The following FAAH variants were observed in gnomAD, a reference collection of about 807,000 sequenced individuals.
FAAH encodes the protein fatty-acid amide hydrolase 1.
In FAAH, 63 loss-of-function variants were observed where a neutral mutation model predicts 69.7. The observed-to-expected ratio is 0.90, with a 90% CI of 0.74 to 1.12. The LOEUF (loss-of-function observed/expected upper bound fraction) is 1.12, where lower values mean the gene tolerates loss of function less well. Ranked by LOEUF, FAAH falls within the 50% of genes most tolerant of loss-of-function variation. The pLI, the probability that FAAH is intolerant of heterozygous loss-of-function variation, is 0.00. For synonymous variants in FAAH, 305 were observed against 324.2 expected, an observed-to-expected ratio of 0.94 and a Z score of 0.64; for missense variants, 680 against 755.0, an observed-to-expected ratio of 0.90 and a Z score of 1.16.
chr1:46,397,836 T>G (rs1386180735), intron 1 of FAAH, among the ~76,000 whole-genome samples: 1 of 151,416 alleles, frequency 6.6e-6, no homozygotes, highest in African/African-American at 2.4e-5. Context: ...GTGCTGGGAT[T>G]ATAGGCATGA....
At chr1:46,407,629 T>G (rs971562331) in intron 7 of FAAH, among the ~76,000 whole-genome samples, 1 of 152,042 alleles carries the variant, frequency 6.6e-6, no homozygotes, top group African/African-American at 2.4e-5. Flanking sequence ...GCGTTGGGGT[T>G]GAAGGCCAGA....
chr1:46,413,274 GCT>G, intron 14 of FAAH, 54 bp downstream of exon 14: 1 of 1,613,152 alleles, frequency 6.2e-7, no homozygotes, highest in Non-Finnish European at 8.5e-7. Flanking sequence ...GACTCTGGCC[GCT>G]GTGGAGGAAA....
rs766872905 is a variant in FAAH at position 46,413,458 on chromosome 1, G to A, written c.1623G>A (p.Lys541=). Residue 541 remains lysine (K), a synonymous_variant, in exon 15 of 15, where the codon AAG becomes AAA. Coordinates refer to ENST00000243167, the MANE Select transcript of FAAH (RefSeq NM_001441.3). ...WDKMLQKGMK[K]SVGLPVAVQC... is the part of the protein sequence containing the mutation. ...TGTATCCCCTATAGGGCATGAAGAA[G>A]AGTGTGGGGCTGCCGGTGGCCGTGC... 2 of 1,614,148 alleles carry A rather than the reference G, an allele frequency of 1.2e-6. No individual in the cohort carries two copies. The highest frequency in any genetic ancestry group is 3.3e-4 in the Middle Eastern group (2 of 6,062).
chr1:46,402,051 T>C (rs1384365533), intron 1 of FAAH, 40 bp from the exon 2 acceptor site: 2 of 1,536,892 alleles, frequency 1.3e-6, no homozygotes, highest in Admixed American at 3.8e-5. Context: ...CCCATGAGAC[T>C]TCGGCGAGTA....
At position 46,408,574 on chromosome 1, in the gene FAAH, C is replaced by T. The variant is rs77101686; in HGVS notation, c.1067C>T (p.Ala356Val). The T allele has an allele frequency of 1.8e-3, 2,827 of 1,614,166 alleles. 31 individuals are homozygous for T. In the East Asian group the frequency reaches 0.022, roughly 12 times the overall value. The stretch of plus-strand genomic sequence containing the variant: ...GAGACCAAACAGAGCCTTGAGGCTG[C>T]GGGGCACACGGTATGACTGCAGGGT... ...VLETKQSLEA[A>V]GHTLVPFLPS... is the part of the protein sequence containing the mutation. The change falls in exon 8 of 15, where the codon GCG (alanine) becomes GTG (valine). Residue 356 changes from alanine to valine, a missense_variant. Coordinates refer to ENST00000243167, the MANE Select transcript of FAAH (RefSeq NM_001441.3).
intron 1 of FAAH, among the ~76,000 whole-genome samples, chr1:46,396,007 C>T (rs889125975): frequency 9.9e-5 from 15 of 151,812 alleles, no homozygotes; most frequent in African/African-American, 2.7e-4. Flanking sequence ...GGAGGACCCG[C>T]GCCAGCACTG....
In FAAH at chr1:46,409,030, C is replaced by T. The variant is rs376884289; in HGVS notation, c.1078-71C>T. 1.1e-3 allele frequency: 1,408 copies of T among 1,307,436 alleles called. 7 individuals carry two copies. The highest frequency in any genetic ancestry group is 1.5e-3 in the Non-Finnish European group (1,312 of 902,228). The allele number at this position is 1,307,436 out of a possible 1,614,324, so 81.0% of individuals were successfully genotyped here. A position where few individuals can be genotyped will look rare whatever the true frequency, so the allele number is the denominator to read the frequency against. On this transcript the variant is annotated intron_variant, in intron 8 of 14. Coordinates refer to ENST00000243167, the MANE Select transcript of FAAH (RefSeq NM_001441.3). ...GGTTGGTCCAATCCATCCTCAGGGC[C>T]GCCCAGACAGCATGGGGATCATGAA...
At position 46,411,551 on chromosome 1, in the gene FAAH, G is replaced by C; in HGVS notation, c.1317-61G>C. The C allele has an allele frequency of 3.2e-6, 5 of 1,584,070 alleles. No individual in the cohort carries two copies. The highest frequency in any genetic ancestry group is 4.3e-6 in the Non-Finnish European group (5 of 1,154,892). ...TCTAGAGGGTTGGCAGTAGGGGTCT[G>C]ATGTTGCTGATCTCCGTGGCTGTGA... On this transcript the variant is annotated intron_variant, in intron 11 of 14. Coordinates refer to ENST00000243167, the MANE Select transcript of FAAH (RefSeq NM_001441.3). This position sits in a 1 kb window ranked among gnomAD's most constrained non-coding sequence, Gnocchi z 4.8.
At chr1:46,397,931 T>TC in intron 1 of FAAH, among the ~76,000 whole-genome samples, 1 of 139,806 alleles carries the variant, frequency 7.2e-6, no homozygotes, top group African/African-American at 2.8e-5. Context: ...AGTCTTGAAC[T>TC]CTTTTTTTTT....
chr1:46,397,529 C>A (rs324417), intron 1 of FAAH, among the ~76,000 whole-genome samples: 1 of 152,222 alleles, frequency 6.6e-6, no homozygotes, highest in African/African-American at 2.4e-5. Flanking sequence ...GTAGGCTTTG[C>A]GGGGGAGTAG....
chr1:46,406,406 A>T, intron 7 of FAAH, 38 bp downstream of exon 7: 1 of 1,613,068 alleles, frequency 6.2e-7, no homozygotes, highest in South Asian at 1.1e-5. Flanking sequence ...TGGACCGCTG[A>T]ACCCAGACAG....
At chr1:46,395,681 C>G (rs1664583391) in intron 1 of FAAH, among the ~76,000 whole-genome samples, 1 of 152,140 alleles carries the variant, frequency 6.6e-6, no homozygotes, top group Non-Finnish European at 1.5e-5. Context: ...GGGTGGGAGA[C>G]AGAAAGAGTC....
chr1:46,394,430 G>A lies in FAAH; in HGVS notation c.82G>A (p.Ala28Thr). The A allele has an allele frequency of 2.1e-6, 3 of 1,442,056 alleles. No homozygotes were observed. The highest frequency in any genetic ancestry group is 1.8e-6 in the Non-Finnish European group (2 of 1,102,186). The allele number at this position is 1,442,056 out of a possible 1,614,324, so 89.3% of individuals were successfully genotyped here. A position where few individuals can be genotyped will look rare whatever the true frequency, so the allele number is the denominator to read the frequency against. The change falls in exon 1 of 15, where the codon GCC becomes ACC. Residue 28 changes from alanine to threonine, a missense_variant. Ala to Thr is a moderately conservative substitution (Grantham distance 58, BLOSUM62 0). Coordinates refer to ENST00000243167, the MANE Select transcript of FAAH (RefSeq NM_001441.3). The part of the protein sequence containing the change: ...LACCFVAAAV[A>T]LRWSGRRTAR... ...CTGCTGCTTCGTGGCGGCGGCCGTG[G>A]CCCTGCGCTGGTCCGGGCGCCGGAC...
At chr1:46,408,966 C>A in intron 8 of FAAH, 135 bp from the exon 9 acceptor site, 1 of 758,616 alleles carries the variant, frequency 1.3e-6, no homozygotes, top group Non-Finnish European at 2.4e-6. Context: ...GTCAGTAAGG[C>A]TGCCTTTGTA....
intron 2 of FAAH, among the ~76,000 whole-genome samples, chr1:46,402,492 T>G (rs1664721523): frequency 6.6e-6 from 1 of 152,224 alleles, no homozygotes; most frequent in Non-Finnish European, 1.5e-5. Flanking sequence ...CTCCACCCCA[T>G]TGGGCAACAA....
intron 1 of FAAH, among the ~76,000 whole-genome samples, chr1:46,394,824 A>G (rs866167367): frequency 6.6e-6 from 1 of 152,258 alleles, no homozygotes; most frequent in Non-Finnish European, 1.5e-5. Context: ...ATTGCTGCCT[A>G]TTGGAATGCG....
chr1:46,396,641 C>G (rs1367765843), intron 1 of FAAH, among the ~76,000 whole-genome samples: 4 of 152,190 alleles, frequency 2.6e-5, no homozygotes, highest in African/African-American at 9.7e-5. Context: ...ACATTTTTAA[C>G]AAAGCACATC....
chr1:46,402,323 C>A (rs758473735), intron 2 of FAAH, 119 bp downstream of exon 2: 3 of 879,588 alleles, frequency 3.4e-6, no homozygotes, highest in Non-Finnish European at 5.5e-6. Context: ...TGGAGTTAGT[C>A]CTGCTGGGGG....
intron 1 of FAAH, among the ~76,000 whole-genome samples, chr1:46,397,521 AGGCTTTGCG>A (rs1664616837): frequency 6.6e-6 from 1 of 151,724 alleles, no homozygotes; most frequent in Non-Finnish European, 1.5e-5. Context: ...ATAGCTTTGT[AGGCTTTGCG>A]GGGGAGTAGG....
Sources: gnomAD v4.1 joint callset for allele counts (sites outside exome capture counted in the v4.1 genomes callset) on GRCh38, gnomAD v4.1.1 for gene constraint, Gnocchi (gnomAD v3.1) non-coding constraint, MANE v1.5 for transcripts, NCBI Gene and HGNC (gene_info 2026-07-23, HGNC 2026-07-21) for gene names.